The following PNPLA6 variants were observed in gnomAD, a reference collection of about 807,000 sequenced individuals.
PNPLA6 encodes the protein patatin like domain 6, lysophospholipase.
PNPLA6 carries 105 observed loss-of-function variants against 153.7 expected under a neutral mutation model. That is an observed-to-expected ratio of 0.68 (90% CI 0.58 to 0.80). The LOEUF (loss-of-function observed/expected upper bound fraction) is 0.80, where lower values mean the gene tolerates loss of function less well. PNPLA6 is among the 30% of genes least tolerant of loss of function. The pLI is 0.00. For synonymous variants in PNPLA6, 825 were observed against 822.2 expected (o/e 1.00, Z -0.06); for missense variants, 1,423 against 1,919.3 (o/e 0.74, Z 4.83).
chr19:7,543,938 C>T (rs1220859439), intron 13 of PNPLA6, among the ~76,000 whole-genome samples: 10 of 151,614 alleles, frequency 6.6e-5, no homozygotes, highest in African/African-American at 1.7e-4. Context: ...CTCAGCCTCC[C>T]GAGTAGCTGG....
intron 13 of PNPLA6, among the ~76,000 whole-genome samples, chr19:7,544,788 T>C (rs1288554061): frequency 6.6e-6 from 1 of 152,098 alleles, no homozygotes; most frequent in Non-Finnish European, 1.5e-5. Flanking sequence ...ATGGCAGGGA[T>C]GGGCTCTTTT....
rs2023057965 is a variant in PNPLA6 at position 7,540,091 on chromosome 19, C to G, written c.554+33C>G. On this transcript the variant is annotated intron_variant, in intron 4 of 31. Coordinates refer to ENST00000600737, the MANE Select transcript of PNPLA6 (RefSeq NM_001166114.2). This position sits in a 1 kb window ranked among gnomAD's most constrained non-coding sequence, Gnocchi z 6.8. The stretch of plus-strand genomic sequence containing the variant: ...TTGGGGTGCAGGTGGGGGTGGAGGG[C>G]TGCAGACGTGGGGCCGCCCTGACCT... 1 of 1,613,896 alleles carries G rather than the reference C, an allele frequency of 6.2e-7. No homozygotes were observed. The highest frequency in any genetic ancestry group is 8.5e-7 in the Non-Finnish European group (1 of 1,180,026).
chr19:7,545,202 G>A (rs2023336247), intron 13 of PNPLA6, among the ~76,000 whole-genome samples: 1 of 151,944 alleles, frequency 6.6e-6, no homozygotes, highest in African/African-American at 2.4e-5. Flanking sequence ...AATTTTTGTA[G>A]TTGCACTAGA....
chr19:7,558,761 T>C, intron 27 of PNPLA6, 89 bp from the exon 28 acceptor site: 1 of 899,532 alleles, frequency 1.1e-6, no homozygotes. Context: ...TGCGTGATCA[T>C]TTGCATGATG....
rs1174515690 is a variant in PNPLA6 at position 7,540,279 on chromosome 19, G to C, written c.685G>C (p.Gly229Arg). The change falls in exon 5 of 32, where the codon GGG (glycine) becomes CGG (arginine). Residue 229 changes from glycine (G) to arginine (R), a missense_variant. Coordinates refer to ENST00000600737, the MANE Select transcript of PNPLA6 (RefSeq NM_001166114.2). The surrounding 1 kb of genome is among the most constrained non-coding windows in gnomAD (Gnocchi z 6.8). The stretch of plus-strand genomic sequence containing the variant: ...TGCCAGCATCTACGTGGTGCAGGAC[G>C]GGCTGCTGGAGCTCTGTCTGCCAGG... ...PDASIYVVQDGLLELCLPGPD... is the reference protein window; with the variant it reads ...PDASIYVVQDRLLELCLPGPD... The C allele has an allele frequency of 6.2e-7, 1 of 1,607,408 alleles. No individual in the cohort carries two copies. The highest frequency in any genetic ancestry group is 8.5e-7 in the Non-Finnish European group (1 of 1,179,230).
chr19:7,561,074 C>A lies in PNPLA6; in HGVS notation c.3877C>A (p.Pro1293Thr). ...DLAEIVSRIE[P>T]PTSYVSDGCA... is the part of the protein sequence containing the mutation. ...GGCAGAGATTGTGTCCCGGATTGAGCCCCCCACGAGCTATGTCTCTGATGG... is the reference window on the plus strand; with the variant it reads ...GGCAGAGATTGTGTCCCGGATTGAGACCCCCACGAGCTATGTCTCTGATGG... The change falls in exon 30 of 32, where the codon CCC (proline) becomes ACC (threonine). Residue 1293 changes from proline to threonine, a missense_variant. Pro to Thr is a conservative substitution (Grantham distance 38). Transcript: ENST00000600737. 1 of 1,612,776 alleles carries A rather than the reference C, an allele frequency of 6.2e-7. No homozygotes were observed. Among genetic ancestry groups the A allele is most frequent in the Admixed American group, 1.7e-5 (1 of 59,824 alleles).
At chr19:7,556,984 TCCG>T (rs2023907721) in intron 26 of PNPLA6, 181 bp from the exon 27 acceptor site, 2 of 728,636 alleles carry the variant, frequency 2.7e-6, no homozygotes, top group Admixed American at 3.9e-5. Flanking sequence ...TGGCGTTACG[TCCG>T]GGCCAGCGCC....
chr19:7,540,513 T>C lies in PNPLA6; in HGVS notation c.715-117T>C. On this transcript the variant is annotated intron_variant, in intron 5 of 31. Transcript: ENST00000600737. The surrounding 1 kb of genome is among the most constrained non-coding windows in gnomAD (Gnocchi z 6.8). ...GGAGATGCCTGCTCGTTGGAAGGGTTGGTGGGTTCCCCTGAGAAGGGATGA... is the reference window on the plus strand; with the variant it reads ...GGAGATGCCTGCTCGTTGGAAGGGTCGGTGGGTTCCCCTGAGAAGGGATGA... The C allele has an allele frequency of 2.9e-6, 3 of 1,042,506 alleles. 1 individual carries two copies. In the South Asian group the frequency reaches 3.9e-5, roughly 14 times the overall value. 64.6% of individuals were successfully genotyped at this position (1,042,506 alleles called of 1,614,324 possible).
rs146463717 is a variant in PNPLA6, at chr19:7,542,796, C to T, written c.1398C>T (p.Gly466=). 178 of 1,613,064 alleles carry T rather than the reference C, an allele frequency of 1.1e-4. No individual in the cohort carries two copies. The Admixed American group carries it at 2.5e-3, about 23-fold the overall frequency. ...PTQEPREQPA[G]ACEYSYCEDE... Reference sequence around the variant, plus strand: ...AGGAGCCTCGTGAGCAGCCGGCAGGCGCCTGTGAATACAGCTACTGTGAGG... The same window carrying T: ...AGGAGCCTCGTGAGCAGCCGGCAGGTGCCTGTGAATACAGCTACTGTGAGG... The change falls in exon 12 of 32, where the codon GGC becomes GGT. Residue 466 remains glycine (G), a synonymous_variant. Transcript: ENST00000600737.
In PNPLA6 at chr19:7,554,682, C is replaced by T. The variant is rs778476313; in HGVS notation, c.2593C>T (p.Leu865Phe). The change falls in exon 21 of 32, where the codon CTC (leucine) becomes TTC (phenylalanine). Residue 865 changes from leucine to phenylalanine, a missense_variant. Leu to Phe is a conservative substitution (Grantham distance 22). Around this residue, in one of 10 missense-constraint regions of PNPLA6, gnomAD observed 643 missense variants for 835.2 expected, o/e 0.77. Transcript: ENST00000600737. ...VRCLRQADCI[L>F]IVGLGDQEPT... ...CTGCCTGCGACAGGCCGACTGCATC[C>T]TCATTGTGGGCCTGGGGGACCAGGA... The T allele has an allele frequency of 6.2e-7, 1 of 1,613,844 alleles. No individual in the cohort carries two copies. Among genetic ancestry groups the T allele is most frequent in the Non-Finnish European group, 8.5e-7 (1 of 1,179,992 alleles).
At position 7,550,011 on chromosome 19, in the gene PNPLA6, G is replaced by A. The variant is rs754876172; in HGVS notation, c.1713G>A (p.Leu571=). Residue 571 remains leucine (L), a synonymous_variant, in exon 14 of 32, where the codon CTG becomes CTA. Transcript: ENST00000600737. ...TGTTCGTAGCGCAGCCCGGGGAACT[G>A]GTGGGGCAGCTGGCGGTGCTCACTG... ...VCLFVAQPGE[L]VGQLAVLTGE... 1.2e-6 allele frequency: 2 copies of A among 1,614,094 alleles called. No individual in the cohort carries two copies. Among genetic ancestry groups the A allele is most frequent in the South Asian group, 2.2e-5 (2 of 91,086 alleles).
chr19:7,539,999 G>C lies in PNPLA6; in HGVS notation c.495G>C (p.Glu165Asp), dbSNP rs1220080233. The C allele has an allele frequency of 6.3e-7, 1 of 1,599,034 alleles. No homozygotes were observed. Among genetic ancestry groups the C allele is most frequent in the South Asian group, 1.1e-5 (1 of 89,342 alleles). The change falls in exon 4 of 32, where the codon GAG becomes GAC. Residue 165 changes from glutamate (E) to aspartate (D), a missense_variant. By Grantham distance (45) the Glu-to-Asp change is conservative. Transcript: ENST00000600737. ...PPAVLEADLT[E>D]GDLANSHLPS... ...CAGTGCTAGAAGCTGACCTGACCGAGGGCGACCTGGCTAACTCCCATCTGC... is the reference window on the plus strand; with the variant it reads ...CAGTGCTAGAAGCTGACCTGACCGACGGCGACCTGGCTAACTCCCATCTGC...
At chr19:7,542,533 T>C in intron 10 of PNPLA6, 28 bp from the exon 11 acceptor site, 2 of 1,546,050 alleles carry the variant, frequency 1.3e-6, no homozygotes, top group Non-Finnish European at 1.8e-6. Flanking sequence ...ATCTTTATGG[T>C]TTTTGTTGCC....
upstream of PNPLA6, chr19:7,535,400 C>T: frequency 1.2e-6 from 1 of 854,878 alleles, no homozygotes; most frequent in South Asian, 1.4e-5. The surrounding 1 kb of genome is among the most constrained non-coding windows in gnomAD (Gnocchi z 5.0). Context: ...GACGCTTCCC[C>T]CGCCACCCCA....
chr19:7,544,144 TG>T (rs2023284698), intron 13 of PNPLA6, among the ~76,000 whole-genome samples: 2 of 149,030 alleles, frequency 1.3e-5, no homozygotes, highest in South Asian at 4.2e-4. Flanking sequence ...AGAGTCTTGC[TG>T]TTGTCACCCA....
chr19:7,555,163 A>G lies in PNPLA6; in HGVS notation c.2818-86A>G. Reference sequence around the variant, plus strand: ...GGGGCGGGGCCTGGGAGGGCTGAGGACAGGCTCGAAGGTCAGGGTACCCCT... The same window carrying G: ...GGGGCGGGGCCTGGGAGGGCTGAGGGCAGGCTCGAAGGTCAGGGTACCCCT... On this transcript the variant is annotated intron_variant, in intron 22 of 31. Coordinates refer to ENST00000600737, the MANE Select transcript of PNPLA6 (RefSeq NM_001166114.2). This position sits in a 1 kb window ranked among gnomAD's most constrained non-coding sequence, Gnocchi z 6.3. The G allele has an allele frequency of 6.6e-7, 1 of 1,519,774 alleles. No individual in the cohort carries two copies. The highest frequency in any genetic ancestry group is 8.9e-7 in the Non-Finnish European group (1 of 1,124,834). 94.1% of individuals were successfully genotyped at this position (1,519,774 alleles called of 1,614,324 possible).
At chr19:7,556,967 CTG>C in intron 26 of PNPLA6, 199 bp from the exon 27 acceptor site, 8 of 704,136 alleles carry the variant, frequency 1.1e-5, no homozygotes, top group Admixed American at 2.0e-5. Context: ...TCCCCGCAGG[CTG>C]TGTGTGGCGT....
In PNPLA6 at chr19:7,555,832, G is replaced by A; in HGVS notation, c.3093+69G>A. On this transcript the variant is annotated intron_variant, in intron 24 of 31. Coordinates refer to ENST00000600737, the MANE Select transcript of PNPLA6 (RefSeq NM_001166114.2). This position sits in a 1 kb window ranked among gnomAD's most constrained non-coding sequence, Gnocchi z 6.3. ...AAAACCCGTGGTTCCAACCTAACCTGATCCCATGGGGGAGCCTCCGGGGTC... is the reference window on the plus strand; with the variant it reads ...AAAACCCGTGGTTCCAACCTAACCTAATCCCATGGGGGAGCCTCCGGGGTC... 1.3e-6 allele frequency: 2 copies of A among 1,538,198 alleles called. No individual in the cohort carries two copies. The highest frequency in any genetic ancestry group is 1.8e-6 in the Non-Finnish European group (2 of 1,120,620).
chr19:7,557,074 A>G, intron 26 of PNPLA6, 94 bp from the exon 27 acceptor site: 1 of 962,770 alleles, frequency 1.0e-6, no homozygotes, highest in South Asian at 1.3e-5. Flanking sequence ...TACGTTAACA[A>G]CGTCCCAGGT....
Sources: allele counts gnomAD v4.1 joint callset (sites outside exome capture counted in the v4.1 genomes callset), GRCh38; gene constraint gnomAD v4.1.1; regional missense constraint gnomAD v4.1.1; non-coding constraint Gnocchi (gnomAD v3.1); transcripts MANE v1.5; gene names NCBI Gene and HGNC (gene_info 2026-07-23, HGNC 2026-07-21).